Variants in CRY2 observed in about 807,000 individuals in gnomAD.
CRY2 encodes the protein cryptochrome-2.
CRY2 carries 31 observed loss-of-function variants against 69.5 expected under a neutral mutation model. The ratio of observed to expected loss-of-function variants is 0.45; its 90% confidence interval spans 0.34 to 0.60. The LOEUF is 0.60. Among genes scored for constraint, CRY2 ranks in the 20% least tolerant of loss-of-function variants. The probability of loss-of-function intolerance (pLI) is 0.02; values close to 1 mark genes in which losing one functional copy is unlikely to be tolerated. For missense variants in CRY2, 606 were observed against 797.8 expected (o/e 0.76, Z 2.90); for synonymous variants, 303 against 312.2 (o/e 0.97, Z 0.31).
intron 11 of CRY2, among the ~76,000 whole-genome samples, chr11:45,873,601 A>G (rs527861062): frequency 1.2e-4 from 19 of 152,342 alleles, no homozygotes; most frequent in African/African-American, 4.1e-4. Context: ...TCAGTAAGCT[A>G]ATGGTGTCCA....
intron 11 of CRY2, among the ~76,000 whole-genome samples, chr11:45,880,596 A>C (rs1273558191): frequency 2.6e-5 from 4 of 152,114 alleles, no homozygotes; most frequent in African/African-American, 9.7e-5. Context: ...GTCATATCTG[A>C]GCAAGTATCC....
chr11:45,850,429 A>G (rs1026575022), intron 1 of CRY2, among the ~76,000 whole-genome samples: 1 of 152,196 alleles, frequency 6.6e-6, no homozygotes, highest in African/African-American at 2.4e-5. Flanking sequence ...CAGGAAGTCT[A>G]ATTAATGTTG....
In CRY2 at chr11:45,869,452, C is replaced by G. The variant is rs1020502295; in HGVS notation, c.883-54C>G. 5.9e-6 allele frequency: 9 copies of G among 1,537,752 alleles called. No homozygotes were observed. In the African/African-American group the frequency reaches 1.2e-4, roughly 21 times the overall value. ...CTTTGTAGAAGAGACCTGAGAGGCA[C>G]CATGCTAAGAGCTGGGCGAGTGTTT... On this transcript the variant is annotated intron_variant, in intron 6 of 11. Coordinates refer to ENST00000616080, the MANE Select transcript of CRY2 (RefSeq NM_021117.5).
intron 9 of CRY2, 79 bp downstream of exon 9, chr11:45,870,611 TAC>T: frequency 6.6e-7 from 1 of 1,525,438 alleles, no homozygotes; most frequent in East Asian, 2.3e-5. Context: ...GATGTCCAGA[TAC>T]TTGCAAAGGG....
chr11:45,847,738 C>T, intron 1 of CRY2, 33 bp downstream of exon 1: 2 of 1,522,036 alleles, frequency 1.3e-6, no homozygotes, highest in Non-Finnish European at 1.8e-6. Context: ...GGCGGGGACG[C>T]AGCCAGGACC....
intron 2 of CRY2, among the ~76,000 whole-genome samples, chr11:45,856,720 C>T (rs1181908944): frequency 1.3e-5 from 2 of 150,966 alleles, no homozygotes; most frequent in Admixed American, 6.6e-5. Flanking sequence ...GGTGTGAACC[C>T]GGGAGGCGGA....
intron 11 of CRY2, among the ~76,000 whole-genome samples, chr11:45,877,085 A>T (rs2086429872): frequency 6.6e-6 from 1 of 152,230 alleles, no homozygotes; most frequent in South Asian, 2.1e-4. Flanking sequence ...CTGGCACTTC[A>T]TAAGTAGGCG....
At chr11:45,868,162 A>G (rs1345414195) in intron 6 of CRY2, among the ~76,000 whole-genome samples, 1 of 152,190 alleles carries the variant, frequency 6.6e-6, no homozygotes, top group African/African-American at 2.4e-5. Flanking sequence ...ACAGCATTCA[A>G]AAGGGGAGTC....
At chr11:45,850,972 T>C (rs1323751043) in intron 1 of CRY2, among the ~76,000 whole-genome samples, 1 of 151,820 alleles carries the variant, frequency 6.6e-6, no homozygotes, top group African/African-American at 2.4e-5. Flanking sequence ...AGCATACTTC[T>C]TGCCCTGGTG....
upstream of CRY2, chr11:45,847,259 C>G: frequency 1.3e-6 from 2 of 1,551,846 alleles, no homozygotes; most frequent in Non-Finnish European, 8.7e-7. Context: ...CATGCCAGCT[C>G]CACCCGGGCG....
At chr11:45,861,450 T>G in intron 4 of CRY2, 1 of 168,904 alleles carries the variant, frequency 5.9e-6, no homozygotes, top group Non-Finnish European at 1.3e-5. Flanking sequence ...TACCTTTTTT[T>G]TTTCTTTTTT....
At chr11:45,860,548 G>C (rs570223354) in intron 3 of CRY2, among the ~76,000 whole-genome samples, 26 of 152,238 alleles carry the variant, frequency 1.7e-4, no homozygotes, top group African/African-American at 6.0e-4. Flanking sequence ...GATTTTGTCA[G>C]TCTCTGTCTT....
chr11:45,877,203 C>CT (rs2086430552), intron 11 of CRY2, among the ~76,000 whole-genome samples: 1 of 152,210 alleles, frequency 6.6e-6, no homozygotes, highest in Non-Finnish European at 1.5e-5. Flanking sequence ...CTTCAGCTCT[C>CT]TCCCCCATCC....
upstream of CRY2, chr11:45,847,462 CG>C (rs756408936): frequency 1.9e-6 from 3 of 1,596,244 alleles, no homozygotes; most frequent in Admixed American, 1.7e-5. Context: ...CGGGGCGGAG[CG>C]GGGGTGGCTG....
Position 45,867,693 on chromosome 11 carries a change from C to T in CRY2, c.823C>T (p.Arg275Cys), listed in dbSNP as rs368725163. Residue 275 changes from arginine (R) to cysteine (C), a missense_variant, in exon 6 of 12, where the codon CGC becomes TGC. Around this residue, in one of 5 missense-constraint regions of CRY2, gnomAD observed 382 missense variants for 508.9 expected, o/e 0.75. Coordinates refer to ENST00000616080, the MANE Select transcript of CRY2 (RefSeq NM_021117.5). ...ASPTGLSPYL[R>C]FGCLSCRLFY... ...CCCCACAGGCCTCAGCCCCTACCTG[C>T]GCTTTGGTTGTCTCTCCTGCCGCCT... 5.0e-6 allele frequency: 8 copies of T among 1,614,208 alleles called. No homozygotes were observed. The highest frequency in any genetic ancestry group is 1.6e-4 in the Middle Eastern group (1 of 6,062).
intron 6 of CRY2, 36 bp from the exon 7 acceptor site, chr11:45,869,470 G>A (rs780617703): frequency 1.5e-5 from 24 of 1,568,008 alleles, no homozygotes; most frequent in Middle Eastern, 1.7e-4. Context: ...AGAGCTGGGC[G>A]AGTGTTTGTA....
intron 11 of CRY2, among the ~76,000 whole-genome samples, chr11:45,878,359 C>CA (rs1265184595): frequency 6.6e-5 from 10 of 151,846 alleles, no homozygotes; most frequent in Admixed American, 2.6e-4. Flanking sequence ...AAAACACACA[C>CA]AAAAAAAATG....
At chr11:45,859,770 CCTGCTGCTG>C (rs937484005) in intron 3 of CRY2, among the ~76,000 whole-genome samples, 1 of 151,904 alleles carries the variant, frequency 6.6e-6, no homozygotes, top group Non-Finnish European at 1.5e-5. Context: ...CTGTCACCCT[CCTGCTGCTG>C]CTGCTGCTGT....
chr11:45,866,749 C>T (rs2086333577), intron 5 of CRY2, among the ~76,000 whole-genome samples: 1 of 152,068 alleles, frequency 6.6e-6, no homozygotes, highest in South Asian at 2.1e-4. Flanking sequence ...GGTTGTGAAA[C>T]AGTATCATGG....
Sources: allele counts gnomAD v4.1 joint callset (sites outside exome capture counted in the v4.1 genomes callset), GRCh38; gene constraint gnomAD v4.1.1; regional missense constraint gnomAD v4.1.1; transcripts MANE v1.5; gene names NCBI Gene and HGNC (gene_info 2026-07-23, HGNC 2026-07-21).